ITGAL: variants seen among roughly 807,000 people sequenced by gnomAD.
ITGAL encodes integrin subunit alpha L, also known as integrin alpha-L.
In ITGAL, 68 loss-of-function variants were observed where a neutral mutation model predicts 138.4. The ratio of observed to expected loss-of-function variants is 0.49; its 90% confidence interval spans 0.40 to 0.60. The LOEUF is 0.60. ITGAL is among the 20% of genes least tolerant of loss of function. The probability of loss-of-function intolerance (pLI) is 0.00; values close to 1 mark genes in which losing one functional copy is unlikely to be tolerated. For synonymous variants in ITGAL, 561 were observed against 584.3 expected, an observed-to-expected ratio of 0.96 and a Z score of 0.57; for missense variants, 1,256 against 1,478.6, an observed-to-expected ratio of 0.85 and a Z score of 2.47.
intron 29 of ITGAL, among the ~76,000 whole-genome samples, chr16:30,519,158 G>A (rs1363607484): frequency 2.6e-5 from 4 of 152,124 alleles, no homozygotes; most frequent in African/African-American, 9.7e-5. Context: ...GGGAGGCAGA[G>A]GTGGCAGTGA....
chr16:30,493,269 T>TTATTTTATTG (rs2050750620), intron 11 of ITGAL, among the ~76,000 whole-genome samples: 1 of 148,888 alleles, frequency 6.7e-6, no homozygotes, highest in South Asian at 2.4e-4. Flanking sequence ...TTATTTTATT[T>TTATTTTATTG]TATTTTATTT....
chr16:30,510,403 G>A lies in ITGAL; in HGVS notation c.2551G>A (p.Glu851Lys). The A allele has an allele frequency of 6.2e-7, 1 of 1,613,564 alleles. No individual in the cohort carries two copies. Among genetic ancestry groups the A allele is most frequent in the Non-Finnish European group, 8.5e-7 (1 of 1,179,486 alleles). ...IPVSCEELPE[E>K]SRLLSRALSC... is the part of the protein sequence containing the mutation. Reference sequence around the variant, plus strand: ...TGTGAGCTGCGAGGAGCTTCCTGAAGAGTCCAGGCTTCTGTCCAGGGCATT... The same window carrying A: ...TGTGAGCTGCGAGGAGCTTCCTGAAAAGTCCAGGCTTCTGTCCAGGGCATT... Residue 851 changes from glutamate (E) to lysine (K), a missense_variant, in exon 22 of 31, where the codon GAG becomes AAG. By Grantham distance (56) the Glu-to-Lys change is moderately conservative. This residue lies in a region of ITGAL where 867 missense variants were observed against 972.5 expected (regional missense o/e 0.89). Coordinates refer to ENST00000356798, the MANE Select transcript of ITGAL (RefSeq NM_002209.3).
At position 30,486,187 on chromosome 16, in the gene ITGAL, C is replaced by G. The variant is rs2050644106; in HGVS notation, c.1006+1924C>G. On this transcript the variant is annotated intron_variant, in intron 9 of 30. Coordinates refer to ENST00000356798, the MANE Select transcript of ITGAL (RefSeq NM_002209.3). ...GAAAGTCTCCTTTGCTAGGACACAG[C>G]CTTGGTGTTCGGTTCAGTTAAAGAA... 2.6e-5 allele frequency among the ~76,000 whole-genome samples: 4 copies of G among 152,134 alleles called. No homozygotes were observed. In the South Asian group the frequency reaches 8.3e-4, roughly 31 times the overall value.
At chr16:30,519,811 G>A (rs2051224467) in intron 29 of ITGAL, 46 bp from the exon 30 acceptor site, 3 of 1,251,762 alleles carry the variant, frequency 2.4e-6, no homozygotes, top group South Asian at 1.2e-5. Flanking sequence ...GGGACTTTCA[G>A]GGGTGGAAAA....
intron 7 of ITGAL, chr16:30,483,103 CTTTAT>C (rs926304546): frequency 3.3e-5 from 5 of 152,126 alleles, no homozygotes; most frequent in African/African-American, 9.7e-5. Context: ...GTTCTCCCTT[CTTTAT>C]TTTATTTTTT....
intron 21 of ITGAL, among the ~76,000 whole-genome samples, chr16:30,507,320 G>A (rs2051016748): frequency 2.0e-5 from 3 of 152,070 alleles, no homozygotes; most frequent in Admixed American, 6.5e-5. Flanking sequence ...TTAGCCGGGC[G>A]AGGTGGCGGG....
chr16:30,500,751 GC>G (rs2050882989), intron 17 of ITGAL, among the ~76,000 whole-genome samples: 1 of 151,926 alleles, frequency 6.6e-6, no homozygotes, highest in South Asian at 2.1e-4. Context: ...AAGCGCGGTG[GC>G]TCAGCACTTT....
chr16:30,493,368 C>T (rs959379694), intron 11 of ITGAL, among the ~76,000 whole-genome samples: 1 of 151,846 alleles, frequency 6.6e-6, no homozygotes, highest in Non-Finnish European at 1.5e-5. Flanking sequence ...CAAGCTCCCC[C>T]TCCCAGGTTC....
intron 11 of ITGAL, among the ~76,000 whole-genome samples, chr16:30,490,740 C>T (rs1056133758): frequency 3.3e-5 from 5 of 151,942 alleles, no homozygotes; most frequent in Non-Finnish European, 5.9e-5. Flanking sequence ...CTTGAATTGT[C>T]CAAGAGCACC....
intron 21 of ITGAL, among the ~76,000 whole-genome samples, chr16:30,510,039 T>A (rs549315283): frequency 2.5e-3 from 293 of 116,132 alleles, no homozygotes; most frequent in Middle Eastern, 0.013. Context: ...ATCCTATATT[T>A]AAAAAAAAAA....
chr16:30,485,080 G>C (rs1425770856), intron 9 of ITGAL, among the ~76,000 whole-genome samples: 1 of 152,044 alleles, frequency 6.6e-6, no homozygotes, highest in African/African-American at 2.4e-5. Flanking sequence ...GGCCATTTGA[G>C]AGCAGCCTCT....
At position 30,494,458 on chromosome 16, in the gene ITGAL, G is replaced by A. The variant is rs1020252581; in HGVS notation, c.1365+95G>A. ...TTGAATGCTCATCCACTTACCATGT[G>A]GCAGCCCCTGTGCTAAACATGATCA... On this transcript the variant is annotated intron_variant, in intron 12 of 30. Transcript: ENST00000356798. The surrounding 1 kb of genome is among the most constrained non-coding windows in gnomAD (Gnocchi z 4.2). 2 of 1,328,234 alleles carry A rather than the reference G, an allele frequency of 1.5e-6. No individual in the cohort carries two copies. The highest frequency in any genetic ancestry group is 1.5e-5 in the African/African-American group (1 of 68,356). 82.3% of individuals were successfully genotyped at this position (1,328,234 alleles called of 1,614,324 possible). A position where few individuals can be genotyped will look rare whatever the true frequency, so the allele number is the denominator to read the frequency against.
intron 15 of ITGAL, 181 bp from the exon 16 acceptor site, chr16:30,498,893 C>T (rs1019871934): frequency 3.5e-5 from 21 of 600,668 alleles, no homozygotes; most frequent in Non-Finnish European, 5.2e-5. Context: ...AGGGTGAGAC[C>T]CTCTCTCAAA....
intron 20 of ITGAL, among the ~76,000 whole-genome samples, chr16:30,505,789 C>T (rs1382813839): frequency 6.6e-6 from 1 of 152,186 alleles, no homozygotes; most frequent in Non-Finnish European, 1.5e-5. Context: ...GAGATTGAGG[C>T]AGAGGATGGC....
chr16:30,515,648 G>A (rs2051155596), intron 25 of ITGAL, among the ~76,000 whole-genome samples: 1 of 152,048 alleles, frequency 6.6e-6, no homozygotes, highest in Non-Finnish European at 1.5e-5. Context: ...TCTCTTCTTG[G>A]ATGCCCTCTC....
chr16:30,506,242 A>C (rs2050992457), intron 20 of ITGAL, among the ~76,000 whole-genome samples: 1 of 137,346 alleles, frequency 7.3e-6, no homozygotes, highest in Non-Finnish European at 1.5e-5. Flanking sequence ...TCTGGGCTAC[A>C]GAGTGAGATT....
chr16:30,506,558 C>CAA lies in ITGAL; in HGVS notation c.2367-122_2367-121dup, dbSNP rs57722064. Among the ~76,000 whole-genome samples the CAA allele has an allele frequency of 1.1e-3, 55 of 47,936 alleles. 7 individuals are homozygous for CAA. The highest frequency in any genetic ancestry group is 4.7e-3 in the East Asian group (2 of 430). The allele number at this position is 47,936 out of a possible 152,430, so 31.4% of individuals were successfully genotyped here. On this transcript the variant is annotated intron_variant, in intron 20 of 30. Transcript: ENST00000356798. ...TGGGTGACAGAGTGAGACTCCATCT[C>CAA]AAAAAAAAAAAAAAAAAAAAAAAAA...
Position 30,517,095 on chromosome 16 carries a change from T to TG in ITGAL, c.2976+10dup. The TG allele has an allele frequency of 6.4e-7, 1 of 1,568,542 alleles. No individual in the cohort carries two copies. ...AGTGGAGCGTGCAGATGGTGAGTGC[T>TG]GCCTGTAGAGGGAGGGTCTACCCTC... On this transcript the variant is annotated intron_variant, in intron 26 of 30. Transcript: ENST00000356798.
At chr16:30,477,000 C>T (rs1330600658) in intron 4 of ITGAL, among the ~76,000 whole-genome samples, 4 of 152,230 alleles carry the variant, frequency 2.6e-5, no homozygotes, top group East Asian at 1.9e-4. Context: ...ATTTCACACA[C>T]GAGGAAACAG....
Sources: allele counts gnomAD v4.1 joint callset (sites outside exome capture counted in the v4.1 genomes callset), GRCh38; gene constraint gnomAD v4.1.1; regional missense constraint gnomAD v4.1.1; non-coding constraint Gnocchi (gnomAD v3.1); transcripts MANE v1.5; gene names NCBI Gene and HGNC (gene_info 2026-07-23, HGNC 2026-07-21).